DISP1: variants seen among roughly 807,000 people sequenced by gnomAD.
DISP1 encodes the protein dispatched RND transporter family member 1.
In DISP1, 30 loss-of-function variants were observed where a neutral mutation model predicts 37.3. The observed-to-expected ratio is 0.80, with a 90% CI of 0.60 to 1.09. DISP1 has a LOEUF of 1.09. Ranked by LOEUF, DISP1 falls within the 50% of genes least tolerant of loss-of-function variation. DISP1 has a pLI of 0.00. For synonymous variants in DISP1, 634 were observed against 690.2 expected (o/e 0.92, Z 1.28); for missense variants, 1,598 against 1,879.5 (o/e 0.85, Z 2.77).
chr1:222,952,614 G>A (rs553393000), intron 3 of DISP1, among the ~76,000 whole-genome samples: 1 of 152,224 alleles, frequency 6.6e-6, no homozygotes, highest in South Asian at 2.1e-4. Context: ...CACTTTGGGA[G>A]GCCGAGGCAG....
intron 1 of DISP1, among the ~76,000 whole-genome samples, chr1:222,910,655 A>G (rs1190951785): frequency 1.3e-5 from 2 of 152,244 alleles, no homozygotes; most frequent in African/African-American, 4.8e-5. Context: ...TAAGCTCTTA[A>G]GATACTGCAA....
intron 8 of DISP1, among the ~76,000 whole-genome samples, chr1:222,996,688 C>G (rs1679092332): frequency 6.6e-6 from 1 of 152,068 alleles, no homozygotes; most frequent in South Asian, 2.1e-4. Context: ...TACTAAATAG[C>G]CCATTTTTCA....
intron 1 of DISP1, among the ~76,000 whole-genome samples, chr1:222,823,556 A>G (rs1663499521): frequency 6.6e-6 from 1 of 152,186 alleles, no homozygotes. Flanking sequence ...GAGAAATTGT[A>G]AATGGGTACA....
At chr1:222,965,540 T>C (rs1403643761) in intron 3 of DISP1, among the ~76,000 whole-genome samples, 5 of 152,218 alleles carry the variant, frequency 3.3e-5, no homozygotes, top group African/African-American at 7.2e-5. Context: ...TAGCATGCAG[T>C]CTCTGTTTAC....
intron 2 of DISP1, among the ~76,000 whole-genome samples, chr1:222,937,315 C>A (rs1271617832): frequency 6.6e-6 from 1 of 151,804 alleles, no homozygotes; most frequent in Non-Finnish European, 1.5e-5. Flanking sequence ...TGGTCTCGAT[C>A]TCCTGACCTC....
intron 1 of DISP1, among the ~76,000 whole-genome samples, chr1:222,866,160 CTT>C (rs930113692): frequency 1.3e-5 from 2 of 151,964 alleles, no homozygotes; most frequent in African/African-American, 2.4e-5. Flanking sequence ...TTGGGGTACT[CTT>C]TTTCCAGTTC....
chr1:223,003,071 G>A lies in DISP1; in HGVS notation c.1674G>A (p.Met558Ile). 1 of 1,613,916 alleles carries A rather than the reference G, an allele frequency of 6.2e-7. No individual in the cohort carries two copies. The highest frequency in any genetic ancestry group is 1.1e-5 in the South Asian group (1 of 91,070). Residue 558 changes from methionine (M) to isoleucine (I), a missense_variant, in exon 9 of 9, where the codon ATG becomes ATA. Physicochemically the swap from Met to Ile is conservative, Grantham distance 10. Coordinates refer to ENST00000675850, the MANE Select transcript of DISP1 (RefSeq NM_001377229.1). The surrounding 1 kb of genome is among the most constrained non-coding windows in gnomAD (Gnocchi z 4.3). ...TTCACTTCGAATTTTTTCCTTTTAT[G>A]AACCTCACTGCCCTCATTATTTTGG... Reference protein sequence around the residue: ...VVFHFEFFPFMNLTALIILVG... With the variant: ...VVFHFEFFPFINLTALIILVG...
chr1:222,824,182 A>C (rs1464169022), intron 1 of DISP1, among the ~76,000 whole-genome samples: 2 of 152,052 alleles, frequency 1.3e-5, no homozygotes, highest in African/African-American at 4.8e-5. Flanking sequence ...TAACATGATA[A>C]ATTTTTTTCC....
chr1:222,908,021 T>C (rs1239720268), intron 1 of DISP1, among the ~76,000 whole-genome samples: 1 of 152,196 alleles, frequency 6.6e-6, no homozygotes, highest in Admixed American at 6.5e-5. Flanking sequence ...AATCATTGGA[T>C]GTACAGAGTT....
chr1:222,870,700 C>A (rs909690905), intron 1 of DISP1, among the ~76,000 whole-genome samples: 9 of 152,034 alleles, frequency 5.9e-5, no homozygotes, highest in South Asian at 2.1e-4. Context: ...GCCCTTTGTC[C>A]GATGAGTAGA....
chr1:222,985,135 T>C (rs558555947), intron 4 of DISP1, among the ~76,000 whole-genome samples: 1 of 152,346 alleles, frequency 6.6e-6, no homozygotes, highest in East Asian at 1.9e-4. Context: ...TTTCTATAAA[T>C]AGGGCTTTTG....
intron 1 of DISP1, among the ~76,000 whole-genome samples, chr1:222,860,799 C>T (rs756871721): frequency 2.0e-5 from 3 of 151,748 alleles, no homozygotes; most frequent in Non-Finnish European, 2.9e-5. Flanking sequence ...GCAGGAGAAT[C>T]GCTTCAGAGA....
At chr1:222,900,997 A>G (rs1671545899) in intron 1 of DISP1, among the ~76,000 whole-genome samples, 2 of 152,218 alleles carry the variant, frequency 1.3e-5, no homozygotes, top group Non-Finnish European at 2.9e-5. Context: ...GATGAGAAGT[A>G]TTTGATGGTC....
intron 1 of DISP1, among the ~76,000 whole-genome samples, chr1:222,888,143 A>T (rs1225507265): frequency 6.6e-6 from 1 of 152,176 alleles, no homozygotes; most frequent in East Asian, 1.9e-4. Flanking sequence ...GAGATGGTTT[A>T]GCTTTATAAA....
chr1:222,868,342 C>CAT (rs67838919), intron 1 of DISP1, among the ~76,000 whole-genome samples: 2 of 151,836 alleles, frequency 1.3e-5, no homozygotes, highest in South Asian at 2.1e-4. Flanking sequence ...CAAAACTCTA[C>CAT]ATATATATAT....
In DISP1 at chr1:222,994,985, A is replaced by T. The variant is rs1488139585; in HGVS notation, c.987+3A>T. On this transcript the variant is annotated splice_donor_region_variant and intron_variant, in intron 8 of 8. Transcript: ENST00000675850. ...TGTGCAATGTAGATAATTCCAGGGT[A>T]TGTAAGATAAAAACTAAAATCTCCT... 6 of 1,606,594 alleles carry T rather than the reference A, an allele frequency of 3.7e-6. No homozygotes were observed. The highest frequency in any genetic ancestry group is 1.3e-5 in the African/African-American group (1 of 74,722).
At chr1:222,873,324 A>G (rs891108094) in intron 1 of DISP1, among the ~76,000 whole-genome samples, 14 of 152,092 alleles carry the variant, frequency 9.2e-5, no homozygotes, top group Admixed American at 5.2e-4. Flanking sequence ...ATTCCTGGAT[A>G]TCCTTGTTAA....
chr1:222,972,296 A>T (rs1558060945), intron 3 of DISP1, among the ~76,000 whole-genome samples: 2 of 152,108 alleles, frequency 1.3e-5, no homozygotes, highest in African/African-American at 2.4e-5. Context: ...TTTCTAAATT[A>T]CTTAAAGATT....
intron 1 of DISP1, among the ~76,000 whole-genome samples, chr1:222,822,651 T>A (rs891847752): frequency 1.3e-5 from 2 of 152,230 alleles, no homozygotes; most frequent in Non-Finnish European, 2.9e-5. Flanking sequence ...GTGTTTCAAA[T>A]TATAAGGTTT....
Sources: allele counts gnomAD v4.1 joint callset (sites outside exome capture counted in the v4.1 genomes callset), GRCh38; gene constraint gnomAD v4.1.1; non-coding constraint Gnocchi (gnomAD v3.1); transcripts MANE v1.5; gene names NCBI Gene and HGNC (gene_info 2026-07-23, HGNC 2026-07-21).